The following LIMA1 variants were observed in gnomAD, a reference collection of about 807,000 sequenced individuals.
The protein encoded by LIMA1 is LIM domain and actin-binding protein 1.
A neutral mutation model predicts 62.6 loss-of-function variants in LIMA1; 52 were observed. The observed-to-expected ratio is 0.83, with a 90% CI of 0.67 to 1.05. The LOEUF is 1.05. Ranked by LOEUF, LIMA1 falls within the 50% of genes least tolerant of loss-of-function variation. The pLI is 0.00. For missense variants in LIMA1, 780 were observed against 902.2 expected, an observed-to-expected ratio of 0.86 and a Z score of 1.74; for synonymous variants, 302 against 317.8, an observed-to-expected ratio of 0.95 and a Z score of 0.53.
intron 8 of LIMA1, among the ~76,000 whole-genome samples, chr12:50,193,664 A>T (rs868686049): frequency 0.011 from 665 of 61,732 alleles, 17 homozygotes; most frequent in Non-Finnish European, 0.015. Context: ...ATATATATAT[A>T]TATTTTTTTT....
chr12:50,274,343 T>C (rs1942250246), intron 1 of LIMA1, among the ~76,000 whole-genome samples: 1 of 152,156 alleles, frequency 6.6e-6, no homozygotes, highest in Admixed American at 6.6e-5. Flanking sequence ...CCCAGCACTT[T>C]GAGAGGCCAA....
chr12:50,274,742 G>C (rs929271704), intron 1 of LIMA1, among the ~76,000 whole-genome samples: 1 of 152,180 alleles, frequency 6.6e-6, no homozygotes, highest in Non-Finnish European at 1.5e-5. Context: ...TTTAGGCAGT[G>C]ATCAGGGAAG....
At chr12:50,181,810 T>C (rs1940508146) in intron 10 of LIMA1, 94 bp downstream of exon 10, 1 of 1,334,502 alleles carries the variant, frequency 7.5e-7, no homozygotes, top group Non-Finnish European at 1.1e-6. Context: ...AGAATATCAT[T>C]AGCACAGTAG....
Position 50,192,978 on chromosome 12 carries a change from CTGTG to C in LIMA1, c.1031-421_1031-418del, listed in dbSNP as rs558118348. The stretch of plus-strand genomic sequence containing the variant: ...GATGTGAGGGCAGAAATTTTGTACT[CTGTG>C]TGTGTGTGTGTGTGTGTGTGTGCGC... On this transcript the variant is annotated intron_variant, in intron 8 of 10. Coordinates refer to ENST00000341247, the MANE Select transcript of LIMA1 (RefSeq NM_016357.5). 1.3e-3 allele frequency among the ~76,000 whole-genome samples: 191 copies of C among 145,214 alleles called. 2 individuals are homozygous for C. The highest frequency in any genetic ancestry group is 4.3e-3 in the Admixed American group (63 of 14,716).
Position 50,177,992 on chromosome 12 carries a change from T to C in LIMA1, c.1352A>G (p.Asn451Ser). ...HFNQLFKSKG[N>S]YDEGFGHRPH... ...TCTGTGCCCAAAGCCTTCATCATAG[T>C]TGCCCTTAGATTTAAAGAGTTGATT... The change falls in exon 11 of 11, where the codon AAC becomes AGC. Residue 451 changes from asparagine (N) to serine (S), a missense_variant. By Grantham distance (46) the Asn-to-Ser change is conservative. Coordinates refer to ENST00000341247, the MANE Select transcript of LIMA1 (RefSeq NM_016357.5). The C allele has an allele frequency of 6.3e-7, 1 of 1,599,974 alleles. No individual in the cohort carries two copies. The highest frequency in any genetic ancestry group is 1.4e-5 in the African/African-American group (1 of 74,060).
intron 1 of LIMA1, among the ~76,000 whole-genome samples, chr12:50,265,537 G>A (rs924275422): frequency 6.6e-6 from 1 of 151,626 alleles, no homozygotes; most frequent in African/African-American, 2.4e-5. Context: ...AAAAAAAATT[G>A]CTCATCACTA....
intron 3 of LIMA1, among the ~76,000 whole-genome samples, chr12:50,226,616 G>A (rs1013561774): frequency 1.2e-4 from 19 of 152,040 alleles, no homozygotes; most frequent in African/African-American, 3.6e-4. Context: ...CGAGGCGGGC[G>A]GATCACAAGG....
chr12:50,185,544 T>G, intron 9 of LIMA1: 1 of 448,106 alleles, frequency 2.2e-6, no homozygotes, highest in Admixed American at 2.5e-5. Context: ...GAGACTCAGA[T>G]CCAAGAATAA....
intron 4 of LIMA1, 121 bp from the exon 5 acceptor site, chr12:50,206,189 T>C (rs987812257): frequency 1.4e-5 from 10 of 721,750 alleles, no homozygotes; most frequent in East Asian, 2.9e-5. Flanking sequence ...TTATATTCTA[T>C]AGAATTTTTT....
At chr12:50,267,010 T>G (rs948704327) in intron 1 of LIMA1, among the ~76,000 whole-genome samples, 2 of 152,152 alleles carry the variant, frequency 1.3e-5, no homozygotes, top group Non-Finnish European at 2.9e-5. Flanking sequence ...TTCTCCTGCC[T>G]TAGCCTCCTG....
At chr12:50,267,197 G>A (rs916084609) in intron 1 of LIMA1, among the ~76,000 whole-genome samples, 18 of 152,064 alleles carry the variant, frequency 1.2e-4, no homozygotes, top group Admixed American at 5.2e-4. Context: ...AGCCTCCCAA[G>A]TAGCTGGGAC....
intron 2 of LIMA1, among the ~76,000 whole-genome samples, chr12:50,246,116 C>T (rs578032783): frequency 1.3e-5 from 2 of 151,652 alleles, no homozygotes; most frequent in Non-Finnish European, 2.9e-5. Flanking sequence ...CCTGTAATCC[C>T]AGCTACTCGG....
intron 2 of LIMA1, among the ~76,000 whole-genome samples, chr12:50,239,815 G>A (rs1291719226): frequency 6.6e-6 from 1 of 151,776 alleles, no homozygotes; most frequent in East Asian, 1.9e-4. Context: ...AGGCAACATG[G>A]CGAGACCCCA....
At chr12:50,244,632 C>T (rs1393472106) in intron 2 of LIMA1, among the ~76,000 whole-genome samples, 8 of 152,204 alleles carry the variant, frequency 5.3e-5, no homozygotes, top group Non-Finnish European at 1.2e-4. Context: ...GCAATCCTTT[C>T]AGCCTTCATG....
chr12:50,252,563 A>G (rs1183264772), intron 1 of LIMA1, among the ~76,000 whole-genome samples: 3 of 148,674 alleles, frequency 2.0e-5, no homozygotes, highest in Non-Finnish European at 4.5e-5. Flanking sequence ...CCTGGGTGAC[A>G]AGAGCGAAAC....
intron 3 of LIMA1, among the ~76,000 whole-genome samples, chr12:50,226,651 C>T (rs530140273): frequency 2.0e-5 from 3 of 152,166 alleles, no homozygotes; most frequent in East Asian, 1.9e-4. Context: ...CCATCCTGGC[C>T]AACATGGTGA....
At chr12:50,276,857 G>A (rs1942281315) in intron 1 of LIMA1, among the ~76,000 whole-genome samples, 1 of 150,278 alleles carries the variant, frequency 6.7e-6, no homozygotes, top group South Asian at 2.1e-4. Flanking sequence ...GTGACTGAGT[G>A]ACACACTGTC....
chr12:50,222,753 A>T, intron 3 of LIMA1: 4 of 1,182,708 alleles, frequency 3.4e-6, no homozygotes, highest in Non-Finnish European at 4.4e-6. Flanking sequence ...AAGAAAGGCA[A>T]ACCCAGCTCT....
chr12:50,279,852 AAG>A (rs1942317680), intron 1 of LIMA1, among the ~76,000 whole-genome samples: 1 of 152,230 alleles, frequency 6.6e-6, no homozygotes, highest in Non-Finnish European at 1.5e-5. Flanking sequence ...TATGAAATAA[AAG>A]AAGTCCCGGG....
Sources: allele counts gnomAD v4.1 joint callset (sites outside exome capture counted in the v4.1 genomes callset), GRCh38; gene constraint gnomAD v4.1.1; transcripts MANE v1.5; gene names NCBI Gene and HGNC (gene_info 2026-07-23, HGNC 2026-07-21).